Variants in CDYL2 observed in about 807,000 individuals in gnomAD.
CDYL2 encodes chromodomain Y like 2.
CDYL2 carries 23 observed loss-of-function variants against 49.4 expected under a neutral mutation model. The observed-to-expected ratio is 0.47, with a 90% confidence interval of 0.34 to 0.66. The LOEUF (loss-of-function observed/expected upper bound fraction) is 0.66, where lower values mean the gene tolerates loss of function less well. CDYL2 is among the 30% of genes least tolerant of loss of function. CDYL2 has a pLI of 0.01. For missense variants in CDYL2, 678 were observed against 656.4 expected (o/e 1.03, Z -0.36); for synonymous variants, 360 against 268.8 (o/e 1.34, Z -3.32).
At chr16:80,771,648 G>C (rs1382007357) in intron 1 of CDYL2, among the ~76,000 whole-genome samples, 1 of 151,998 alleles carries the variant, frequency 6.6e-6, no homozygotes, top group South Asian at 2.1e-4. Context: ...GCTTGAATCC[G>C]GGAGGCAGGG....
intron 1 of CDYL2, among the ~76,000 whole-genome samples, chr16:80,752,702 T>C (rs1180556605): frequency 6.6e-6 from 1 of 152,160 alleles, no homozygotes; most frequent in Non-Finnish European, 1.5e-5. Flanking sequence ...CAACCAGTGG[T>C]GTACTGATAA....
chr16:80,649,689 G>A (rs1908502871), intron 2 of CDYL2, among the ~76,000 whole-genome samples: 2 of 152,094 alleles, frequency 1.3e-5, no homozygotes, highest in Non-Finnish European at 2.9e-5. Flanking sequence ...CAAAATTGCA[G>A]GAATCACATT....
chr16:80,668,498 T>G (rs1396473467), intron 2 of CDYL2, among the ~76,000 whole-genome samples: 9 of 151,354 alleles, frequency 5.9e-5, no homozygotes, highest in Admixed American at 5.9e-4. Flanking sequence ...AGTACATAGA[T>G]TTAATATATA....
intron 1 of CDYL2, among the ~76,000 whole-genome samples, chr16:80,786,919 G>C (rs984343535): frequency 2.0e-5 from 3 of 152,164 alleles, no homozygotes; most frequent in East Asian, 1.9e-4. Context: ...AGGGCCTGTG[G>C]GGGGTGGGGG....
chr16:80,789,445 C>CA (rs1202052829), intron 1 of CDYL2, among the ~76,000 whole-genome samples: 2 of 152,018 alleles, frequency 1.3e-5, no homozygotes, highest in Non-Finnish European at 2.9e-5. Flanking sequence ...ACTAAAAATA[C>CA]AAAAATTAGC....
chr16:80,696,158 T>C (rs183752388), intron 1 of CDYL2, among the ~76,000 whole-genome samples: 1 of 152,154 alleles, frequency 6.6e-6, no homozygotes, highest in Non-Finnish European at 1.5e-5. Context: ...AATGAGTCAG[T>C]GAAGAAATTA....
Position 80,600,292 on chromosome 16 carries a change from T to C in CDYL2, c.*4096A>G, listed in dbSNP as rs1428568301. 2.0e-5 allele frequency: 3 copies of C among 152,174 alleles called. No individual in the cohort carries two copies. The highest frequency in any genetic ancestry group is 2.0e-4 in the Admixed American group (3 of 15,272). 9.4% of individuals were successfully genotyped at this position (152,174 alleles called of 1,614,324 possible). On this transcript the variant is annotated 3_prime_UTR_variant, in exon 7 of 7. Coordinates refer to ENST00000570137, the MANE Select transcript of CDYL2 (RefSeq NM_152342.4). ...GTATGCTATTTTTCAAAAGAACAAG[T>C]GATATTAATGAAAAATATTGCCTAA...
At chr16:80,749,726 T>C (rs1906063359) in intron 1 of CDYL2, among the ~76,000 whole-genome samples, 1 of 151,998 alleles carries the variant, frequency 6.6e-6, no homozygotes. Flanking sequence ...ATATGAAAAT[T>C]TTTTTAAAAA....
chr16:80,801,134 G>A (rs917941657), intron 1 of CDYL2, among the ~76,000 whole-genome samples: 48 of 152,172 alleles, frequency 3.2e-4, no homozygotes, highest in African/African-American at 1.1e-3. Context: ...CAGGGCATCT[G>A]GCTAAGAAAT....
intron 4 of CDYL2, among the ~76,000 whole-genome samples, chr16:80,614,771 G>A (rs1906751822): frequency 6.6e-6 from 1 of 151,626 alleles, no homozygotes; most frequent in South Asian, 2.1e-4. Flanking sequence ...GGCTGAGGCA[G>A]GAGGATTGCA....
At chr16:80,736,114 C>T (rs985761287) in intron 1 of CDYL2, among the ~76,000 whole-genome samples, 1 of 152,260 alleles carries the variant, frequency 6.6e-6, no homozygotes, top group East Asian at 1.9e-4. Context: ...CAGCTGGCCA[C>T]AGGCCCAAGG....
chr16:80,722,583 C>T (rs866653322), intron 1 of CDYL2, among the ~76,000 whole-genome samples: 3 of 152,196 alleles, frequency 2.0e-5, no homozygotes, highest in Non-Finnish European at 4.4e-5. Context: ...GCCTAGTTTT[C>T]TTAGGCCTAT....
intron 2 of CDYL2, among the ~76,000 whole-genome samples, chr16:80,635,834 C>A (rs139421227): frequency 0.12 from 17,793 of 152,168 alleles, 1,491 homozygotes; most frequent in Admixed American, 0.28. Context: ...CTACAGTAAC[C>A]AAAACAGCAT....
chr16:80,776,463 T>C (rs956948268), intron 1 of CDYL2, among the ~76,000 whole-genome samples: 1 of 152,000 alleles, frequency 6.6e-6, no homozygotes, highest in Non-Finnish European at 1.5e-5. Flanking sequence ...CCGTCTGTAA[T>C]ATCAAAGCAT....
intron 2 of CDYL2, among the ~76,000 whole-genome samples, chr16:80,681,316 A>G (rs1319915606): frequency 1.3e-5 from 2 of 151,978 alleles, no homozygotes; most frequent in Non-Finnish European, 2.9e-5. Flanking sequence ...GCCCCTGGAG[A>G]CTGGATCCTT....
In CDYL2 at chr16:80,649,695, A is replaced by C. The variant is rs184588065; in HGVS notation, c.617-16459T>G. ...CAAAAAGAACAAAATTGCAGGAATC[A>C]CATTACCTGACTTCAAATTACACTA... On this transcript the variant is annotated intron_variant, in intron 2 of 6. Coordinates refer to ENST00000570137, the MANE Select transcript of CDYL2 (RefSeq NM_152342.4). Among the ~76,000 whole-genome samples the C allele has an allele frequency of 3.8e-3, 577 of 152,332 alleles. 2 individuals are homozygous for C. The highest frequency in any genetic ancestry group is 0.02 in the South Asian group (96 of 4,832).
chr16:80,747,859 C>T (rs530879605), intron 1 of CDYL2, among the ~76,000 whole-genome samples: 30 of 152,204 alleles, frequency 2.0e-4, no homozygotes, highest in Non-Finnish European at 3.7e-4. Context: ...CCCTTCCTAC[C>T]TCTGCCCACC....
intron 6 of CDYL2, among the ~76,000 whole-genome samples, chr16:80,607,689 A>G (rs2142359097): frequency 6.6e-6 from 1 of 152,376 alleles, no homozygotes; most frequent in South Asian, 2.1e-4. Context: ...CAAATGAAAT[A>G]GAGGCATGGT....
At chr16:80,709,858 G>T (rs1242205236) in intron 1 of CDYL2, among the ~76,000 whole-genome samples, 2 of 151,228 alleles carry the variant, frequency 1.3e-5, no homozygotes, top group Non-Finnish European at 2.9e-5. Context: ...CAACATTTTT[G>T]ATTTTGTACC....
Sources: gnomAD v4.1 joint callset for allele counts (sites outside exome capture counted in the v4.1 genomes callset) on GRCh38, gnomAD v4.1.1 for gene constraint, MANE v1.5 for transcripts, NCBI Gene and HGNC (gene_info 2026-07-23, HGNC 2026-07-21) for gene names.